The following URI1 variants were observed in gnomAD, a reference collection of about 807,000 sequenced individuals.
URI1 encodes unconventional prefoldin RPB5 interactor 1.
Under a neutral mutation model 60.2 loss-of-function variants are expected in URI1, and 39 were observed. The observed-to-expected ratio is 0.65, with a 90% CI of 0.50 to 0.85. The LOEUF is 0.85. URI1 is among the 40% of genes least tolerant of loss of function. URI1 has a pLI of 0.00. For synonymous variants in URI1, 251 were observed against 236.8 expected (o/e 1.06, Z -0.55); for missense variants, 691 against 665.9 (o/e 1.04, Z -0.42).
Position 30,005,420 on chromosome 19 carries a change from G to C in URI1, c.427G>C (p.Glu143Gln), listed in dbSNP as rs201586355. The C allele has an allele frequency of 7.5e-6, 12 of 1,602,210 alleles. No individual in the cohort carries two copies. Among genetic ancestry groups the C allele is most frequent in the Non-Finnish European group, 1.0e-5 (12 of 1,176,058 alleles). ...GATGAAAAATTTTGAATCCAGAGTT[G>C]AATTCACAGAAGATTTGCAGAAAAT... ...KVMKNFESRV[E>Q]FTEDLQKMSD... is the part of the protein sequence containing the mutation. Residue 143 changes from glutamate to glutamine, a missense_variant, in exon 5 of 11, where the codon GAA (glutamate) becomes CAA (glutamine). Transcript: ENST00000392271.
chr19:30,009,211 G>GTGATGA lies in URI1; in HGVS notation c.915_920dup (p.Asp310_Asp311dup), dbSNP rs3840928. 8.7e-5 allele frequency: 134 copies of GTGATGA among 1,541,428 alleles called. No individual in the cohort carries two copies. The highest frequency in any genetic ancestry group is 1.1e-4 in the Non-Finnish European group (123 of 1,123,582). On this transcript the variant is annotated inframe_insertion, in exon 8 of 11. Transcript: ENST00000392271. ...GTGAATGGTTCCAGTTCTTACCACA[G>GTGATGA]TGATGATGATGATGATGATGATGAT...
intron 1 of URI1, chr19:29,956,891 G>GCCCCAGAGGAACCC: frequency 7.5e-7 from 1 of 1,333,322 alleles, no homozygotes; most frequent in Non-Finnish European, 1.1e-6. Flanking sequence ...CTTCCGCAGG[G>GCCCCAGAGGAACCC]TTCCTCTGGG....
upstream of URI1, chr19:29,942,221 T>G: frequency 1.0e-6 from 1 of 984,106 alleles, no homozygotes; most frequent in South Asian, 4.7e-5. Context: ...GCTTCCGGCG[T>G]GCCGCGAGAG....
At chr19:29,981,875 G>C (rs905953074) in intron 2 of URI1, among the ~76,000 whole-genome samples, 4 of 151,182 alleles carry the variant, frequency 2.6e-5, no homozygotes, top group Admixed American at 6.6e-5. Context: ...TATTAAAATA[G>C]AAAAAAAAAT....
chr19:29,997,533 G>A (rs1409731966), intron 4 of URI1, among the ~76,000 whole-genome samples: 2 of 151,876 alleles, frequency 1.3e-5, no homozygotes, highest in African/African-American at 4.8e-5. Context: ...TAAAAATTCT[G>A]TTTTGTTTAT....
intron 7 of URI1, among the ~76,000 whole-genome samples, 184 bp downstream of exon 7, chr19:30,007,822 A>ATTGTGTG (rs1296103185): frequency 6.6e-6 from 1 of 152,054 alleles, no homozygotes. Context: ...TTCTTATAGG[A>ATTGTGTG]TTGTGTGTTT....
intron 2 of URI1, among the ~76,000 whole-genome samples, chr19:29,971,703 AAG>A (rs201513103): frequency 5.4e-5 from 8 of 147,056 alleles, no homozygotes; most frequent in African/African-American, 2.0e-4. Flanking sequence ...TTTTTTTTTT[AAG>A]AGAGAGCATA....
At chr19:29,973,519 T>A (rs1328675948) in intron 2 of URI1, among the ~76,000 whole-genome samples, 1 of 152,180 alleles carries the variant, frequency 6.6e-6, no homozygotes, top group Admixed American at 6.5e-5. Flanking sequence ...TGCATTCTTA[T>A]GCTGGTGATG....
intron 6 of URI1, among the ~76,000 whole-genome samples, chr19:30,006,746 T>C (rs1382760164): frequency 1.3e-5 from 2 of 152,108 alleles, no homozygotes; most frequent in African/African-American, 2.4e-5. Flanking sequence ...TCCCATTACT[T>C]TCCCATTACT....
chr19:29,975,223 G>T (rs745678813), intron 2 of URI1, among the ~76,000 whole-genome samples: 6 of 152,000 alleles, frequency 3.9e-5, no homozygotes, highest in Non-Finnish European at 8.8e-5. Context: ...TTGCAGTCCT[G>T]CCAACATCTG....
chr19:30,009,467 G>A (rs2055991513), intron 8 of URI1, 114 bp downstream of exon 8: 2 of 1,056,434 alleles, frequency 1.9e-6, no homozygotes, highest in Non-Finnish European at 2.7e-6. Flanking sequence ...GTGCCAGACA[G>A]GAAAATCATC....
intron 10 of URI1, among the ~76,000 whole-genome samples, chr19:30,013,085 C>G (rs2056043122): frequency 6.6e-6 from 1 of 152,144 alleles, no homozygotes; most frequent in South Asian, 2.1e-4. Context: ...CACCACACTT[C>G]TTACAGTTTT....
intron 8 of URI1, among the ~76,000 whole-genome samples, chr19:30,009,904 TAC>T (rs2055996398): frequency 6.6e-6 from 1 of 152,174 alleles, no homozygotes; most frequent in South Asian, 2.1e-4. Flanking sequence ...GATTTTCTAA[TAC>T]AGAGTTTTAA....
intron 2 of URI1, among the ~76,000 whole-genome samples, chr19:29,977,021 A>T (rs1330143715): frequency 6.6e-6 from 1 of 152,192 alleles, no homozygotes; most frequent in Admixed American, 6.5e-5. Context: ...TGTTCAGAGG[A>T]AAAGAGTAAC....
intron 2 of URI1, among the ~76,000 whole-genome samples, chr19:29,978,666 C>T (rs1241836811): frequency 6.6e-6 from 1 of 152,096 alleles, no homozygotes; most frequent in African/African-American, 2.4e-5. Context: ...CCAGATTCCA[C>T]TATACCAAAG....
rs1456679215 is a variant in URI1, at chr19:29,956,389, T to G, written c.117+13725T>G. ...TAGGAGTCATCTGGCATCTTCTTTCTGTAGCTGGATAACTCTTAGATCTGA... is the reference window on the plus strand; with the variant it reads ...TAGGAGTCATCTGGCATCTTCTTTCGGTAGCTGGATAACTCTTAGATCTGA... On this transcript the variant is annotated intron_variant, in intron 1 of 10. Coordinates refer to ENST00000392271, the MANE Select transcript of URI1 (RefSeq NM_003796.3). The G allele has an allele frequency of 4.8e-6, 7 of 1,467,718 alleles. No homozygotes were observed. In the Admixed American group the frequency reaches 8.7e-5, roughly 18 times the overall value. The allele number at this position is 1,467,718 out of a possible 1,614,324, so 90.9% of individuals were successfully genotyped here.
rs750090894 is a variant in URI1, at chr19:30,015,004, G to A, written c.1543G>A (p.Ala515Thr). The change falls in exon 11 of 11, where the codon GCA (alanine) becomes ACA (threonine). Residue 515 changes from alanine (A) to threonine (T), a missense_variant. Physicochemically the swap from Ala to Thr is moderately conservative, Grantham distance 58 (BLOSUM62 0). Coordinates refer to ENST00000392271, the MANE Select transcript of URI1 (RefSeq NM_003796.3). ...IPERKEVLLE[A>T]SEETGKRVSK... The stretch of plus-strand genomic sequence containing the variant: ...AGAACGAAAGGAAGTTCTGTTGGAA[G>A]CATCTGAAGAAACTGGAAAGAGGGT... 1.9e-6 allele frequency: 3 copies of A among 1,613,850 alleles called. No homozygotes were observed. Among genetic ancestry groups the A allele is most frequent in the South Asian group, 1.1e-5 (1 of 91,062 alleles).
intron 4 of URI1, among the ~76,000 whole-genome samples, chr19:29,998,442 G>A (rs996971645): frequency 2.6e-5 from 4 of 152,162 alleles, no homozygotes; most frequent in African/African-American, 9.7e-5. Context: ...CTATTATGGT[G>A]AAATAATTTC....
chr19:29,968,667 GT>G (rs1168188120), intron 1 of URI1, among the ~76,000 whole-genome samples: 1 of 137,264 alleles, frequency 7.3e-6, no homozygotes, highest in African/African-American at 2.7e-5. Context: ...TGCCTCCCAG[GT>G]TCATGCCATT....
Sources: allele counts gnomAD v4.1 joint callset (sites outside exome capture counted in the v4.1 genomes callset), GRCh38; gene constraint gnomAD v4.1.1; transcripts MANE v1.5; gene names NCBI Gene and HGNC (gene_info 2026-07-23, HGNC 2026-07-21).